ITGA1: variants seen among roughly 807,000 people sequenced by gnomAD.
The protein encoded by ITGA1 is integrin subunit alpha 1.
Under a neutral mutation model 145.9 loss-of-function variants are expected in ITGA1, and 85 were observed. That is an observed-to-expected ratio of 0.58 (90% CI 0.49 to 0.70). The LOEUF is 0.70. Ranked by LOEUF, ITGA1 falls within the 30% of genes least tolerant of loss-of-function variation. ITGA1 has a pLI of 0.00. For synonymous variants in ITGA1, 520 were observed against 495.3 expected (o/e 1.05, Z -0.66); for missense variants, 1,351 against 1,418.7 (o/e 0.95, Z 0.77).
intron 1 of ITGA1, among the ~76,000 whole-genome samples, chr5:52,818,583 C>T (rs1422100440): frequency 6.6e-6 from 1 of 152,104 alleles, no homozygotes; most frequent in East Asian, 1.9e-4. Flanking sequence ...TAAACAATGC[C>T]TTTTAGAAGT....
At chr5:52,883,057 G>C (rs916304520) in intron 7 of ITGA1, 2 of 152,144 alleles carry the variant, frequency 1.3e-5, no homozygotes, top group African/African-American at 4.8e-5. Flanking sequence ...CTAGTTATAT[G>C]GGGCCCAAGA....
At chr5:52,946,280 C>G (rs540683278) in intron 27 of ITGA1, among the ~76,000 whole-genome samples, 11 of 152,242 alleles carry the variant, frequency 7.2e-5, no homozygotes, top group Admixed American at 2.0e-4. Context: ...TGTCTGTCAT[C>G]CCAGCCTACT....
At position 52,915,544 on chromosome 5, in the gene ITGA1, C is replaced by T; in HGVS notation, c.1938C>T (p.Asp646=). The T allele has an allele frequency of 1.2e-6, 2 of 1,613,994 alleles. No individual in the cohort carries two copies. The highest frequency in any genetic ancestry group is 1.3e-5 in the African/African-American group (1 of 75,012). The change falls in exon 15 of 29, where the codon GAC becomes GAT. Residue 646 remains aspartate (D), a synonymous_variant. Transcript: ENST00000282588. ...SIHGEMDLNG[D]GLTDVTIGGL... is the part of the protein sequence containing the mutation. ...ACGGAGAAATGGATTTAAATGGTGA[C>T]GGTCTGACAGATGTGACTATTGGGG...
chr5:52,904,771 T>A (rs1579709035), intron 11 of ITGA1: 1 of 149,544 alleles, frequency 6.7e-6, no homozygotes, highest in Non-Finnish European at 1.5e-5. Flanking sequence ...GAGAATGGCG[T>A]GAACCCGGGA....
rs747547025 is a variant in ITGA1, at chr5:52,915,472, A to G, written c.1866A>G (p.Pro622=). The change falls in exon 15 of 29, where the codon CCA becomes CCG. Residue 622 remains proline (P), a synonymous_variant. Coordinates refer to ENST00000282588, the MANE Select transcript of ITGA1 (RefSeq NM_181501.2). ...TTTTTGGATTCTCACAGCGTATTCCATCAGGTGGGGATGGTAAGACACTGA... is the reference window on the plus strand; with the variant it reads ...TTTTTGGATTCTCACAGCGTATTCCGTCAGGTGGGGATGGTAAGACACTGA... ...TIRKEYAQRI[P]SGGDGKTLKF... The G allele has an allele frequency of 8.9e-5, 144 of 1,613,874 alleles. No homozygotes were observed. Among genetic ancestry groups the G allele is most frequent in the Non-Finnish European group, 1.1e-4 (127 of 1,179,922 alleles).
intron 1 of ITGA1, among the ~76,000 whole-genome samples, chr5:52,797,036 T>C (rs1050535094): frequency 6.6e-6 from 1 of 152,034 alleles, no homozygotes; most frequent in South Asian, 2.1e-4. Context: ...CCAGTGCAAA[T>C]TGGGATTGTA....
chr5:52,912,958 G>A (rs997077343), intron 14 of ITGA1, among the ~76,000 whole-genome samples: 29 of 151,946 alleles, frequency 1.9e-4, no homozygotes, highest in Non-Finnish European at 1.2e-4. Flanking sequence ...GTGTTAGCCA[G>A]GATGGTTTTG....
In ITGA1 at chr5:52,910,898, G is replaced by T. The variant is rs372377961; in HGVS notation, c.1857+479G>T. On this transcript the variant is annotated intron_variant, in intron 14 of 28. Transcript: ENST00000282588. Reference sequence around the variant, plus strand: ...ATATATGGTATGTATACTATATATAGTATATACGGTATGTATACTATATAT... The same window carrying T: ...ATATATGGTATGTATACTATATATATTATATACGGTATGTATACTATATAT... Among the ~76,000 whole-genome samples the T allele has an allele frequency of 1.7e-3, 226 of 135,046 alleles. 1 individual carries two copies. In the South Asian group the frequency reaches 0.035, roughly 21 times the overall value. 88.6% of individuals were successfully genotyped at this position (135,046 alleles called of 152,430 possible). A position where few individuals can be genotyped will look rare whatever the true frequency, so the allele number is the denominator to read the frequency against.
At chr5:52,797,649 G>A (rs1748371282) in intron 1 of ITGA1, among the ~76,000 whole-genome samples, 1 of 152,114 alleles carries the variant, frequency 6.6e-6, no homozygotes, top group African/African-American at 2.4e-5. Flanking sequence ...TTGCAGTGAA[G>A]GAGATGATTA....
chr5:52,887,931 G>A lies in ITGA1; in HGVS notation c.890G>A (p.Cys297Tyr), dbSNP rs1750080482. The A allele has an allele frequency of 6.2e-7, 1 of 1,613,608 alleles. No homozygotes were observed. The highest frequency in any genetic ancestry group is 1.3e-5 in the African/African-American group (1 of 74,932). Residue 297 changes from cysteine to tyrosine, a missense_variant, in exon 8 of 29, where the codon TGT (cysteine) becomes TAT (tyrosine). Coordinates refer to ENST00000282588, the MANE Select transcript of ITGA1 (RefSeq NM_181501.2). ...CGACTGAAGAAGGTCATCCAAGACTGTGAAGATGAAAACATTCAACGGTTT... is the reference window on the plus strand; with the variant it reads ...CGACTGAAGAAGGTCATCCAAGACTATGAAGATGAAAACATTCAACGGTTT... ...NHRLKKVIQD[C>Y]EDENIQRFSI... is the part of the protein sequence containing the mutation.
chr5:52,852,403 C>A (rs934832703), intron 2 of ITGA1, among the ~76,000 whole-genome samples: 1 of 151,986 alleles, frequency 6.6e-6, no homozygotes, highest in African/African-American at 2.4e-5. Context: ...AAGGGATGAG[C>A]CTTCAGGCTG....
Position 52,845,018 on chromosome 5 carries a change from G to A in ITGA1, c.62-4347G>A, listed in dbSNP as rs558356802. 4.6e-5 allele frequency among the ~76,000 whole-genome samples: 7 copies of A among 152,198 alleles called. No homozygotes were observed. The East Asian group carries it at 1.4e-3, about 29-fold the overall frequency. On this transcript the variant is annotated intron_variant, in intron 1 of 28. Transcript: ENST00000282588. ...CTTCGGTGCCTCAGAAAACATAAAA[G>A]AGTCTGATTTACAATCATTTTGGGC... is the stretch of plus-strand genomic sequence containing the variant.
intron 1 of ITGA1, among the ~76,000 whole-genome samples, chr5:52,841,239 A>T (rs561796125): frequency 6.6e-6 from 1 of 152,324 alleles, no homozygotes; most frequent in Admixed American, 6.5e-5. Flanking sequence ...GGAAGTTCCA[A>T]TTGTTTGAAG....
chr5:52,835,604 A>C (rs1334277969), intron 1 of ITGA1, among the ~76,000 whole-genome samples: 1 of 152,176 alleles, frequency 6.6e-6, no homozygotes, highest in Non-Finnish European at 1.5e-5. Context: ...TGGGTCTAAA[A>C]TGGTGCTTAA....
chr5:52,883,930 C>T (rs1037680194), intron 7 of ITGA1, among the ~76,000 whole-genome samples: 2 of 152,120 alleles, frequency 1.3e-5, no homozygotes, highest in African/African-American at 4.8e-5. Context: ...GAGTTTAGAA[C>T]AGTCACATTT....
At chr5:52,875,640 A>T (rs1235894245) in intron 6 of ITGA1, among the ~76,000 whole-genome samples, 3 of 152,078 alleles carry the variant, frequency 2.0e-5, no homozygotes, top group African/African-American at 7.2e-5. Context: ...TTCTTTCTAT[A>T]TTCATCTACT....
chr5:52,908,641 T>C (rs951486444), intron 12 of ITGA1, among the ~76,000 whole-genome samples: 2 of 152,218 alleles, frequency 1.3e-5, no homozygotes. Context: ...GAGTGAAATC[T>C]AAAGAAATTC....
At chr5:52,859,989 CT>C (rs988704474) in intron 2 of ITGA1, among the ~76,000 whole-genome samples, 4 of 152,124 alleles carry the variant, frequency 2.6e-5, no homozygotes, top group Admixed American at 6.5e-5. Context: ...TCCCCCATGC[CT>C]TTTTCACATG....
rs1480191829 is a variant in ITGA1 at position 52,864,783 on chromosome 5, G to A, written c.316G>A (p.Val106Ile). Residue 106 changes from valine to isoleucine, a missense_variant, in exon 4 of 29, where the codon GTC (valine) becomes ATC (isoleucine). Transcript: ENST00000282588. ...DLPVNTSIPNVTEVKENMTFG... is the reference protein window; with the variant it reads ...DLPVNTSIPNITEVKENMTFG... ...TTTAGTTAATACATCAATTCCCAATGTCACAGAAGTAAAGGAGAACATGAC... is the reference window on the plus strand; with the variant it reads ...TTTAGTTAATACATCAATTCCCAATATCACAGAAGTAAAGGAGAACATGAC... The A allele has an allele frequency of 6.2e-7, 1 of 1,609,704 alleles. No individual in the cohort carries two copies. The highest frequency in any genetic ancestry group is 1.7e-5 in the Admixed American group (1 of 59,500).
Sources: allele counts gnomAD v4.1 joint callset (sites outside exome capture counted in the v4.1 genomes callset), GRCh38; gene constraint gnomAD v4.1.1; transcripts MANE v1.5; gene names NCBI Gene and HGNC (gene_info 2026-07-23, HGNC 2026-07-21).